The following SH3PXD2A variants were observed in gnomAD, a reference collection of about 807,000 sequenced individuals.
SH3PXD2A encodes SH3 and PX domain-containing protein 2A.
In SH3PXD2A, 32 loss-of-function variants were observed where a neutral mutation model predicts 115.2. The ratio of observed to expected loss-of-function variants is 0.28; its 90% CI spans 0.21 to 0.37. The LOEUF (loss-of-function observed/expected upper bound fraction) is 0.37, where lower values mean the gene tolerates loss of function less well. SH3PXD2A is among the 10% of genes least tolerant of loss of function. The pLI, the probability that SH3PXD2A is intolerant of heterozygous loss-of-function variation, is 1.00. For missense variants in SH3PXD2A, 1,328 were observed against 1,498.7 expected, an observed-to-expected ratio of 0.89 and a Z score of 1.88; for synonymous variants, 610 against 629.1, an observed-to-expected ratio of 0.97 and a Z score of 0.45.
At chr10:103,607,086 TGAG>T (rs901376065) in intron 13 of SH3PXD2A, among the ~76,000 whole-genome samples, 3 of 150,232 alleles carry the variant, frequency 2.0e-5, no homozygotes, top group Admixed American at 6.6e-5. Flanking sequence ...ATCTAGGAAG[TGAG>T]GAGCGTCTCT....
At chr10:103,732,810 T>C (rs949171935) in intron 4 of SH3PXD2A, among the ~76,000 whole-genome samples, 3 of 152,154 alleles carry the variant, frequency 2.0e-5, no homozygotes, top group Admixed American at 2.0e-4. Flanking sequence ...AGGCAGTACG[T>C]AGACAAAGGC....
chr10:103,708,622 G>A (rs1181285909), intron 5 of SH3PXD2A, among the ~76,000 whole-genome samples: 5 of 152,208 alleles, frequency 3.3e-5, no homozygotes, highest in Admixed American at 2.0e-4. Flanking sequence ...GCGCTTGGCA[G>A]CCTTGTCTTC....
Position 103,701,989 on chromosome 10 carries a change from T to C in SH3PXD2A, c.399-8933A>G, listed in dbSNP as rs114543115. ...CCATCCATCCAACATCCATCCACCA[T>C]CCATCCATCCATCCATCTATCCATC... On this transcript the variant is annotated intron_variant, in intron 5 of 14. Coordinates refer to ENST00000369774, the MANE Select transcript of SH3PXD2A (RefSeq NM_001394015.1). 6.8e-3 allele frequency among the ~76,000 whole-genome samples: 1,009 copies of C among 147,984 alleles called. 14 individuals carry two copies. Among genetic ancestry groups the C allele is most frequent in the African/African-American group, 0.024 (958 of 39,582 alleles).
chr10:103,792,971 T>C (rs2039049449), intron 2 of SH3PXD2A, among the ~76,000 whole-genome samples: 1 of 152,226 alleles, frequency 6.6e-6, no homozygotes, highest in African/African-American at 2.4e-5. Context: ...ATGTCCTCCT[T>C]GTTAGACATG....
chr10:103,711,938 G>A (rs916129900), intron 5 of SH3PXD2A, among the ~76,000 whole-genome samples: 2 of 152,068 alleles, frequency 1.3e-5, no homozygotes, highest in African/African-American at 4.8e-5. Context: ...GTGTGTGCCT[G>A]CAGTCCCAGC....
chr10:103,655,723 A>C (rs988495208), intron 8 of SH3PXD2A, among the ~76,000 whole-genome samples: 7 of 142,518 alleles, frequency 4.9e-5, no homozygotes, highest in Non-Finnish European at 4.5e-5. Flanking sequence ...CAGTGAGCCG[A>C]GATTGCACTA....
chr10:103,726,350 A>G lies in SH3PXD2A; in HGVS notation c.307-1989T>C, dbSNP rs77610046. ...GTGAGTGTCGTTCCAGGAAATTCTC[A>G]TGAGGGTCGTCCTCATGAGGGCACA... On this transcript the variant is annotated intron_variant, in intron 4 of 14. Coordinates refer to ENST00000369774, the MANE Select transcript of SH3PXD2A (RefSeq NM_001394015.1). Among the ~76,000 whole-genome samples the G allele has an allele frequency of 4.2e-3, 640 of 152,198 alleles. 9 individuals are homozygous for G. The highest frequency in any genetic ancestry group is 0.014 in the African/African-American group (599 of 41,550).
chr10:103,744,215 A>G, intron 3 of SH3PXD2A, among the ~76,000 whole-genome samples: 1 of 146,714 alleles, frequency 6.8e-6, no homozygotes, highest in Admixed American at 6.9e-5. Context: ...GTGCAATGGC[A>G]TGATCTCGGC....
At chr10:103,645,687 C>T (rs542488501) in intron 8 of SH3PXD2A, among the ~76,000 whole-genome samples, 1 of 152,134 alleles carries the variant, frequency 6.6e-6, no homozygotes, top group Non-Finnish European at 1.5e-5. Context: ...CTCCCAAGCC[C>T]ATTCAAGGCA....
At position 103,603,222 on chromosome 10, in the gene SH3PXD2A, ATGACTTGGGGGAGCC is replaced by A; in HGVS notation, c.1981_1995del (p.Gly661_Ser665del). On this transcript the variant is annotated inframe_deletion, in exon 15 of 15. Transcript: ENST00000369774. ...TCTGCCTTGAGCTTTAGGAGTGATG[ATGACTTGGGGGAGCC>A]TGATTTGGGGGAGTTTTTCCTGGTC... The A allele has an allele frequency of 6.2e-7, 1 of 1,614,140 alleles. No homozygotes were observed. Among genetic ancestry groups the A allele is most frequent in the Non-Finnish European group, 8.5e-7 (1 of 1,180,034 alleles).
chr10:103,741,104 A>C (rs974866198), intron 3 of SH3PXD2A, among the ~76,000 whole-genome samples: 23 of 152,196 alleles, frequency 1.5e-4, no homozygotes, highest in African/African-American at 5.6e-4. Context: ...GAATTTAGAG[A>C]ATGGTCAAGG....
chr10:103,619,483 G>A (rs1177335750), intron 10 of SH3PXD2A, among the ~76,000 whole-genome samples: 1 of 152,174 alleles, frequency 6.6e-6, no homozygotes, highest in East Asian at 1.9e-4. Context: ...GTTTTCCTAG[G>A]CAAGGTTGCA....
chr10:103,830,608 T>G (rs967647604), intron 1 of SH3PXD2A, among the ~76,000 whole-genome samples: 11 of 151,958 alleles, frequency 7.2e-5, no homozygotes, highest in African/African-American at 2.2e-4. Flanking sequence ...AGAGGGAGAA[T>G]GAGTAAGTGT....
At chr10:103,676,036 T>C (rs2037528438) in intron 6 of SH3PXD2A, among the ~76,000 whole-genome samples, 1 of 150,736 alleles carries the variant, frequency 6.6e-6, no homozygotes, top group African/African-American at 2.4e-5. Flanking sequence ...CGAAACTCCG[T>C]CTCGGGGGAA....
rs143790507 is a variant in SH3PXD2A at position 103,765,900 on chromosome 10, C to T, written c.229+1194G>A. On this transcript the variant is annotated intron_variant, in intron 3 of 14. Transcript: ENST00000369774. ...GAAGGAGCAATGCTATGACCCTGTG[C>T]GGGGAGGCCAGGGGCCGAGAGTCCC... 2.4e-4 allele frequency among the ~76,000 whole-genome samples: 36 copies of T among 152,336 alleles called. 1 individual carries two copies. In the East Asian group the frequency reaches 6.4e-3, roughly 27 times the overall value.
At chr10:103,855,087 G>T in intron 1 of SH3PXD2A, 108 bp downstream of exon 1, 1 of 650,726 alleles carries the variant, frequency 1.5e-6, no homozygotes, top group Non-Finnish European at 2.5e-6. Context: ...TGGCTGCCCA[G>T]TGGGCGCTTA....
chr10:103,599,556 CT>C lies in SH3PXD2A; in HGVS notation c.*2259del, dbSNP rs1025839110. ...TTTTATTTTAAATAGTCATAAATTA[CT>C]TTTTTTCTCTTAATAAATATGTGCT... On this transcript the variant is annotated 3_prime_UTR_variant, in exon 15 of 15. Transcript: ENST00000369774. The C allele has an allele frequency of 1.3e-5, 2 of 152,494 alleles. No homozygotes were observed. The highest frequency in any genetic ancestry group is 3.8e-4 in the East Asian group (2 of 5,202). 9.4% of individuals were successfully genotyped at this position (152,494 alleles called of 1,614,324 possible).
intron 1 of SH3PXD2A, among the ~76,000 whole-genome samples, chr10:103,829,037 C>T (rs754134927): frequency 3.3e-4 from 50 of 152,320 alleles, no homozygotes; most frequent in Non-Finnish European, 6.6e-4. Flanking sequence ...CTTTTGCCTA[C>T]TGAGTGGGAA....
intron 5 of SH3PXD2A, among the ~76,000 whole-genome samples, chr10:103,704,513 T>C (rs1592310560): frequency 6.6e-6 from 1 of 152,252 alleles, no homozygotes; most frequent in South Asian, 2.1e-4. Flanking sequence ...AATCCCTTGC[T>C]GCTGCCAGGC....
Sources: allele counts gnomAD v4.1 joint callset (sites outside exome capture counted in the v4.1 genomes callset), GRCh38; gene constraint gnomAD v4.1.1; transcripts MANE v1.5; gene names NCBI Gene and HGNC (gene_info 2026-07-23, HGNC 2026-07-21).